RBM25: variants seen among roughly 807,000 people sequenced by gnomAD.
RBM25 encodes the protein RNA binding motif protein 25.
Under a neutral mutation model 120.7 loss-of-function variants are expected in RBM25, and 19 were observed. The ratio of observed to expected loss-of-function variants is 0.16; its 90% CI spans 0.11 to 0.23. The LOEUF (loss-of-function observed/expected upper bound fraction) is 0.23. RBM25 is among the 10% of genes least tolerant of loss of function. The probability of loss-of-function intolerance (pLI) is 1.00; values close to 1 mark genes in which losing one functional copy is unlikely to be tolerated. For synonymous variants in RBM25, 390 were observed against 326.7 expected (o/e 1.19, Z -2.09); for missense variants, 605 against 1,041.5 (o/e 0.58, Z 5.77).
At chr14:73,113,709 AAAAAG>A (rs1311878925) in intron 17 of RBM25, among the ~76,000 whole-genome samples, 1 of 152,114 alleles carries the variant, frequency 6.6e-6, no homozygotes, top group Admixed American at 6.5e-5. Flanking sequence ...AAAAAAAAGA[AAAAAG>A]AAAAACTTCT....
At chr14:73,119,179 CGT>C (rs1202316925) in intron 18 of RBM25, among the ~76,000 whole-genome samples, 1 of 152,168 alleles carries the variant, frequency 6.6e-6, no homozygotes. Context: ...TTATAAAGAA[CGT>C]AGTAATTTAA....
In RBM25 at chr14:73,099,360, C is replaced by G; in HGVS notation, c.730-20C>G. ...CTGTTTTTCTTTTTTAAAAAAGATT[C>G]TTGGTGGATTTTTTCACAGATTTTC... On this transcript the variant is annotated intron_variant, in intron 7 of 18. Transcript: ENST00000261973. The G allele has an allele frequency of 6.3e-7, 1 of 1,593,594 alleles. No individual in the cohort carries two copies. The highest frequency in any genetic ancestry group is 8.5e-7 in the Non-Finnish European group (1 of 1,174,920).
At chr14:73,101,911 T>C (rs1016463458) in intron 9 of RBM25, 2 of 152,336 alleles carry the variant, frequency 1.3e-5, no homozygotes, top group Admixed American at 1.3e-4. Flanking sequence ...TTCTATCATA[T>C]CTTATTTCAT....
chr14:73,083,526 A>T lies in RBM25; in HGVS notation c.357A>T (p.Val119=). Residue 119 remains valine (V), a synonymous_variant, in exon 5 of 19, where the codon GTA becomes GTT. Transcript: ENST00000261973. ...KCGLVLSWKR[V]QGASGKLQAF... Reference sequence around the variant, plus strand: ...GTTTGGTTTTGAGCTGGAAGAGAGTACAAGGTGCTTCCGGAAAGCTTCAAG... The same window carrying T: ...GTTTGGTTTTGAGCTGGAAGAGAGTTCAAGGTGCTTCCGGAAAGCTTCAAG... 1 of 1,583,966 alleles carries T rather than the reference A, an allele frequency of 6.3e-7. No individual in the cohort carries two copies. Among genetic ancestry groups the T allele is most frequent in the Non-Finnish European group, 8.5e-7 (1 of 1,172,178 alleles).
rs191464132 is a variant in RBM25, at chr14:73,106,654, A to G, written c.1467+369A>G. Among the ~76,000 whole-genome samples, 13 of 152,292 alleles carry G rather than the reference A, an allele frequency of 8.5e-5. No homozygotes were observed. In the East Asian group the frequency reaches 2.3e-3, roughly 27 times the overall value. On this transcript the variant is annotated intron_variant, in intron 12 of 18. Coordinates refer to ENST00000261973, the MANE Select transcript of RBM25 (RefSeq NM_021239.3). ...TTCCGTAAGTTAAGAGATTCATTTT[A>G]TCTCATGGATTGTTTACTATTGGTT...
intron 1 of RBM25, among the ~76,000 whole-genome samples, chr14:73,069,298 T>C (rs1253824762): frequency 6.6e-6 from 1 of 152,226 alleles, no homozygotes; most frequent in African/African-American, 2.4e-5. Flanking sequence ...ATAAAAATTA[T>C]TAGTTCATAG....
chr14:73,111,510 A>T lies in RBM25; in HGVS notation c.2018-18A>T. On this transcript the variant is annotated intron_variant, in intron 15 of 18. Transcript: ENST00000261973. ...TTGGAAATTAAGTCATCTTGCTAAG[A>T]GAGTGTTTTTACTGTAGGTGCTTCC... The T allele has an allele frequency of 6.4e-7, 1 of 1,569,838 alleles. No homozygotes were observed. Among genetic ancestry groups the T allele is most frequent in the Non-Finnish European group, 8.6e-7 (1 of 1,162,520 alleles).
chr14:73,092,763 C>T (rs890316097), intron 6 of RBM25, among the ~76,000 whole-genome samples: 3 of 151,944 alleles, frequency 2.0e-5, no homozygotes, highest in South Asian at 4.2e-4. Flanking sequence ...GATGGGGTCT[C>T]GCGTTGTTGC....
intron 6 of RBM25, among the ~76,000 whole-genome samples, chr14:73,095,315 A>C (rs749978453): frequency 1.0e-4 from 11 of 106,436 alleles, no homozygotes; most frequent in Admixed American, 9.0e-4. Flanking sequence ...TATGCTCTTA[A>C]GAATTTGTTG....
chr14:73,075,939 C>G (rs1895410405), intron 2 of RBM25, among the ~76,000 whole-genome samples: 1 of 152,010 alleles, frequency 6.6e-6, no homozygotes, highest in African/African-American at 2.4e-5. Context: ...AGCCACCGTG[C>G]CCAGCTGTTT....
intron 18 of RBM25, among the ~76,000 whole-genome samples, chr14:73,117,220 T>TG (rs1896452503): frequency 2.3e-5 from 1 of 43,560 alleles, no homozygotes; most frequent in Non-Finnish European, 5.1e-5. Context: ...CTTTTTTTTT[T>TG]TTTTTTTTTT....
intron 2 of RBM25, 87 bp downstream of exon 2, chr14:73,071,834 T>A: frequency 9.2e-7 from 1 of 1,090,734 alleles, no homozygotes; most frequent in Non-Finnish European, 1.4e-6. Context: ...GATATGTGAC[T>A]GTGTTAGTGA....
chr14:73,097,218 T>TTTTTTTTTTTTTTTC (rs1335716967), intron 7 of RBM25, 118 bp downstream of exon 7: 1 of 672,632 alleles, frequency 1.5e-6, no homozygotes, highest in Non-Finnish European at 2.1e-6. Context: ...TTTTTTTTTT[T>TTTTTTTTTTTTTTTC]GAGATGGAGG....
Position 73,071,760 on chromosome 14 carries a change from A to T in RBM25, c.106+13A>T. On this transcript the variant is annotated intron_variant, in intron 2 of 18. Transcript: ENST00000261973. ...CCTGTACCTCCAGGTAAGTTTGTTG[A>T]TACTGTTTTTTGTCGTTAAACTTGT... 1 of 1,586,350 alleles carries T rather than the reference A, an allele frequency of 6.3e-7. No individual in the cohort carries two copies. Among genetic ancestry groups the T allele is most frequent in the Non-Finnish European group, 8.7e-7 (1 of 1,155,308 alleles).
intron 2 of RBM25, among the ~76,000 whole-genome samples, chr14:73,075,021 A>T (rs867125889): frequency 1.4e-5 from 2 of 146,286 alleles, no homozygotes; most frequent in Admixed American, 6.8e-5. Context: ...AAAGAAATGG[A>T]GTTTTGCTAT....
At chr14:73,106,668 T>G (rs1024972268) in intron 12 of RBM25, among the ~76,000 whole-genome samples, 4 of 152,298 alleles carry the variant, frequency 2.6e-5, no homozygotes, top group African/African-American at 9.6e-5. Flanking sequence ...CATGGATTGT[T>G]TACTATTGGT....
chr14:73,092,601 T>G (rs1446908350), intron 6 of RBM25, among the ~76,000 whole-genome samples: 1 of 151,894 alleles, frequency 6.6e-6, no homozygotes, highest in African/African-American at 2.4e-5. Flanking sequence ...TAATTAAGTT[T>G]TAGGGTACAT....
chr14:73,070,351 C>G (rs2140426192), intron 1 of RBM25, among the ~76,000 whole-genome samples: 1 of 152,254 alleles, frequency 6.6e-6, no homozygotes, highest in South Asian at 2.1e-4. Flanking sequence ...GCCACTGCAA[C>G]CAACCTGTTC....
chr14:73,065,707 C>G (rs901176494), intron 1 of RBM25, among the ~76,000 whole-genome samples: 1 of 151,964 alleles, frequency 6.6e-6, no homozygotes, highest in Admixed American at 6.6e-5. Flanking sequence ...CATGAGCCAC[C>G]TCACCCAGCC....
Sources: gnomAD v4.1 joint callset for allele counts (sites outside exome capture counted in the v4.1 genomes callset) on GRCh38, gnomAD v4.1.1 for gene constraint, MANE v1.5 for transcripts, NCBI Gene and HGNC (gene_info 2026-07-23, HGNC 2026-07-21) for gene names.